PAPPA2: variants seen among roughly 807,000 people sequenced by gnomAD.
The protein encoded by PAPPA2 is pappalysin 2, also known as pappalysin-2.
In PAPPA2, 86 loss-of-function variants were observed where a neutral mutation model predicts 176.4. The ratio of observed to expected loss-of-function variants is 0.49; its 90% CI spans 0.41 to 0.58. The LOEUF is 0.58. PAPPA2 is among the 20% of genes least tolerant of loss of function. The pLI, the probability that PAPPA2 is intolerant of heterozygous loss-of-function variation, is 0.00. For missense variants in PAPPA2, 2,073 were observed against 2,256.9 expected (o/e 0.92, Z 1.65); for synonymous variants, 809 against 852.2 (o/e 0.95, Z 0.88).
chr1:176,513,761 C>T (rs916520961), intron 1 of PAPPA2, among the ~76,000 whole-genome samples: 3 of 152,088 alleles, frequency 2.0e-5, no homozygotes, highest in Non-Finnish European at 4.4e-5. Context: ...TTATTCTCTT[C>T]TCATTTATAT....
At chr1:176,681,467 A>C (rs1659581869) in intron 4 of PAPPA2, among the ~76,000 whole-genome samples, 1 of 152,170 alleles carries the variant, frequency 6.6e-6, no homozygotes, top group Non-Finnish European at 1.5e-5. Flanking sequence ...ACTGGGGGAA[A>C]AGAAAATATT....
At chr1:176,551,341 T>A (rs1020732920) in intron 1 of PAPPA2, among the ~76,000 whole-genome samples, 1 of 152,206 alleles carries the variant, frequency 6.6e-6, no homozygotes, top group Non-Finnish European at 1.5e-5. Context: ...AGATCTGGCT[T>A]CTATATATAG....
At chr1:176,592,948 G>T (rs1281371117) in intron 2 of PAPPA2, among the ~76,000 whole-genome samples, 1 of 152,172 alleles carries the variant, frequency 6.6e-6, no homozygotes, top group Non-Finnish European at 1.5e-5. Flanking sequence ...ACAAAAGTTT[G>T]TAGAGGAGTA....
Position 176,688,749 on chromosome 1 carries a change from C to T in PAPPA2, c.2138-1388C>T, listed in dbSNP as rs1271576200. ...ACTGGAACTTGGACTTAGAAACTGT[C>T]CTGTGTAGTACAGTAGTCACAAGAA... On this transcript the variant is annotated intron_variant, in intron 4 of 22. Coordinates refer to ENST00000367662, the MANE Select transcript of PAPPA2 (RefSeq NM_020318.3). Among the ~76,000 whole-genome samples the T allele has an allele frequency of 9.4e-4, 143 of 152,022 alleles. 5 individuals are homozygous for T. Among genetic ancestry groups the T allele is most frequent in the Admixed American group, 9.4e-3 (143 of 15,264 alleles).
At chr1:176,839,906 T>C (rs12086275) in intron 21 of PAPPA2, among the ~76,000 whole-genome samples, 10,719 of 152,184 alleles carry the variant, frequency 0.07, 789 homozygotes, top group African/African-American at 0.19. Flanking sequence ...GCAAAAAAGT[T>C]GATCAAAGAG....
chr1:176,702,670 A>G lies in PAPPA2; in HGVS notation c.3300A>G (p.Gly1100=), dbSNP rs764409033. 6.2e-7 allele frequency: 1 copy of G among 1,613,872 alleles called. No individual in the cohort carries two copies. The highest frequency in any genetic ancestry group is 8.5e-7 in the Non-Finnish European group (1 of 1,179,924). ...QVLAEAGGEL[G]EASPPLNHIH... is the part of the protein sequence containing the mutation. ...TAGCTGAAGCTGGAGGAGAACTGGG[A>G]GAAGCTTCGCCTCCTCTGAACCACA... Residue 1100 remains glycine, a synonymous_variant, in exon 9 of 23, where the codon GGA becomes GGG. Coordinates refer to ENST00000367662, the MANE Select transcript of PAPPA2 (RefSeq NM_020318.3).
intron 6 of PAPPA2, 73 bp from the exon 7 acceptor site, chr1:176,695,665 T>C: frequency 6.5e-7 from 1 of 1,544,982 alleles, no homozygotes; most frequent in Non-Finnish European, 8.9e-7. Context: ...CACAAAGGTC[T>C]TTCTAATTTT....
In PAPPA2 at chr1:176,699,342, G is replaced by A. The variant is rs1433908590; in HGVS notation, c.2989G>A (p.Gly997Ser). ...LLENKESVHL[G>S]PLDTFCDIPL... is the part of the protein sequence containing the mutation. ...GGAAAACAAGGAGTCAGTGCACCTGGGCCCCTTAGACACTTTCTGTGACAT... is the reference window on the plus strand; with the variant it reads ...GGAAAACAAGGAGTCAGTGCACCTGAGCCCCTTAGACACTTTCTGTGACAT... Residue 997 changes from glycine to serine, a missense_variant, in exon 8 of 23, where the codon GGC (glycine) becomes AGC (serine). By Grantham distance (56) the Gly-to-Ser change is moderately conservative. This residue lies in a region of PAPPA2 where 1,196 missense variants were observed against 1,330.4 expected (regional missense o/e 0.90). Transcript: ENST00000367662. The A allele has an allele frequency of 1.2e-6, 2 of 1,614,138 alleles. No individual in the cohort carries two copies. Among genetic ancestry groups the A allele is most frequent in the Non-Finnish European group, 1.7e-6 (2 of 1,180,016 alleles).
intron 9 of PAPPA2, 29 bp downstream of exon 9, chr1:176,702,764 TGTGTGTGTGTGTGAGAGAGAGA>T (rs1558530543): frequency 1.3e-6 from 2 of 1,574,876 alleles, no homozygotes; most frequent in Non-Finnish European, 1.7e-6. Flanking sequence ...TGTGTGTGTG[TGTGTGTGTGTGTGAGAGAGAGA>T]GAGAGAGAGA....
chr1:176,530,373 A>G (rs982465387), intron 1 of PAPPA2, among the ~76,000 whole-genome samples: 3 of 151,692 alleles, frequency 2.0e-5, no homozygotes, highest in African/African-American at 2.4e-5. Context: ...CAGTTACTCA[A>G]TGGGACAGGA....
chr1:176,682,350 T>G (rs1659624601), intron 4 of PAPPA2, among the ~76,000 whole-genome samples: 1 of 152,148 alleles, frequency 6.6e-6, no homozygotes, highest in Non-Finnish European at 1.5e-5. Context: ...TAGAGGGTGA[T>G]GAAGAAAGTT....
At chr1:176,629,008 C>T (rs1318088953) in intron 3 of PAPPA2, among the ~76,000 whole-genome samples, 1 of 152,176 alleles carries the variant, frequency 6.6e-6, no homozygotes, top group Non-Finnish European at 1.5e-5. Flanking sequence ...TTGATGTAAA[C>T]AGACCAATCT....
At chr1:176,579,119 A>G (rs774740295) in intron 2 of PAPPA2, among the ~76,000 whole-genome samples, 26 of 152,216 alleles carry the variant, frequency 1.7e-4, no homozygotes, top group Non-Finnish European at 3.8e-4. Context: ...AAGGTTCCAT[A>G]GGGGAGAGGG....
intron 3 of PAPPA2, among the ~76,000 whole-genome samples, chr1:176,646,125 T>C (rs1427305429): frequency 2.0e-5 from 3 of 151,664 alleles, no homozygotes; most frequent in Admixed American, 2.0e-4. Context: ...TTGCTTTGGT[T>C]GCCTGTGATT....
chr1:176,613,326 G>A (rs1340144348), intron 3 of PAPPA2, among the ~76,000 whole-genome samples: 1 of 152,208 alleles, frequency 6.6e-6, no homozygotes, highest in Non-Finnish European at 1.5e-5. Context: ...CAGAGTTACA[G>A]AACTTCACTG....
chr1:176,516,813 C>T (rs1648939773), intron 1 of PAPPA2, among the ~76,000 whole-genome samples: 1 of 152,186 alleles, frequency 6.6e-6, no homozygotes, highest in Admixed American at 6.6e-5. Context: ...TGCACTAAGA[C>T]AGTGGCCATG....
chr1:176,781,356 T>G (rs1275018504), intron 17 of PAPPA2, among the ~76,000 whole-genome samples: 2 of 144,346 alleles, frequency 1.4e-5, no homozygotes, highest in Non-Finnish European at 3.0e-5. Flanking sequence ...AGAAGAGCTT[T>G]GTAAGGGGCT....
intron 2 of PAPPA2, among the ~76,000 whole-genome samples, chr1:176,561,559 T>G (rs1357181931): frequency 6.6e-6 from 1 of 152,200 alleles, no homozygotes; most frequent in Non-Finnish European, 1.5e-5. Context: ...GTGTTGTAAA[T>G]GCAGTAGAAT....
intron 2 of PAPPA2, among the ~76,000 whole-genome samples, chr1:176,578,742 C>T (rs550249170): frequency 1.3e-4 from 20 of 152,090 alleles, no homozygotes; most frequent in South Asian, 2.1e-4. Flanking sequence ...GAGAGAGATA[C>T]GTATTGATAA....
Sources: gnomAD v4.1 joint callset for allele counts (sites outside exome capture counted in the v4.1 genomes callset) on GRCh38, gnomAD v4.1.1 for gene constraint, gnomAD v4.1.1 regional missense constraint, MANE v1.5 for transcripts, NCBI Gene and HGNC (gene_info 2026-07-23, HGNC 2026-07-21) for gene names.